GNA12: variants seen among roughly 807,000 people sequenced by gnomAD.
GNA12 encodes the protein G protein subunit alpha 12, also known as guanine nucleotide-binding protein subunit alpha-12.
Under a neutral mutation model 26.0 loss-of-function variants are expected in GNA12, and 9 were observed. The ratio of observed to expected loss-of-function variants is 0.35; its 90% CI spans 0.21 to 0.60. The LOEUF (loss-of-function observed/expected upper bound fraction) is 0.60. Among genes scored for constraint, GNA12 ranks in the 20% least tolerant of loss-of-function variants. The pLI, the probability that GNA12 is intolerant of heterozygous loss-of-function variation, is 0.78. For missense variants in GNA12, 405 were observed against 525.8 expected (o/e 0.77, Z 2.25); for synonymous variants, 264 against 219.6 (o/e 1.20, Z -1.79).
In GNA12 at chr7:2,728,994, C is replaced by T. The variant is rs1186755339; in HGVS notation, c.*2187G>A. On this transcript the variant is annotated 3_prime_UTR_variant, in exon 4 of 4. Coordinates refer to ENST00000275364, the MANE Select transcript of GNA12 (RefSeq NM_007353.3). ...GGACCCCACAATATCTCCTTCCTCT[C>T]ATGCTTCTGGTTTGAAAGTGACGAG... The T allele has an allele frequency of 2.6e-5, 4 of 152,450 alleles. No individual in the cohort carries two copies. The highest frequency in any genetic ancestry group is 9.6e-5 in the African/African-American group (4 of 41,464). The allele number at this position is 152,450 out of a possible 1,614,324, so 9.4% of individuals were successfully genotyped here.
At chr7:2,834,010 C>T (rs369522752) in intron 1 of GNA12, among the ~76,000 whole-genome samples, 16 of 152,286 alleles carry the variant, frequency 1.1e-4, no homozygotes, top group African/African-American at 3.6e-4. Context: ...GTGCATGGGC[C>T]ACTAGTAGGC....
At chr7:2,842,195 A>C (rs1302768087) in intron 1 of GNA12, among the ~76,000 whole-genome samples, 1 of 151,160 alleles carries the variant, frequency 6.6e-6, no homozygotes, top group African/African-American at 2.5e-5. Flanking sequence ...GACGCTATCT[A>C]GGTGTAAGCA....
chr7:2,835,044 A>G (rs1778796119), intron 1 of GNA12, among the ~76,000 whole-genome samples: 2 of 152,228 alleles, frequency 1.3e-5, no homozygotes, highest in Admixed American at 1.3e-4. Flanking sequence ...AGGCTACACT[A>G]ATGCAATCAT....
intron 2 of GNA12, among the ~76,000 whole-genome samples, chr7:2,792,556 A>G (rs1393926945): frequency 6.6e-6 from 1 of 152,234 alleles, no homozygotes; most frequent in Admixed American, 6.5e-5. Context: ...CTCAATTTCC[A>G]TCCAAGTTCT....
At chr7:2,810,102 C>T (rs1444207194) in intron 1 of GNA12, among the ~76,000 whole-genome samples, 1 of 152,174 alleles carries the variant, frequency 6.6e-6, no homozygotes, top group Non-Finnish European at 1.5e-5. Context: ...ATTTCAGGTT[C>T]GCTGCATGTG....
Position 2,797,452 on chromosome 7 carries a change from T to C in GNA12, c.310-2309A>G, listed in dbSNP as rs184378700. ...GAGCCACTGCATCCGGCCTTTTTTT[T>C]TTTTTCCTTTTTAAATAACAGTTTT... On this transcript the variant is annotated intron_variant, in intron 1 of 3. Coordinates refer to ENST00000275364, the MANE Select transcript of GNA12 (RefSeq NM_007353.3). Among the ~76,000 whole-genome samples the C allele has an allele frequency of 5.5e-4, 83 of 152,242 alleles. 1 individual carries two copies. Among genetic ancestry groups the C allele is most frequent in the Non-Finnish European group, 3.4e-4 (23 of 68,010 alleles).
At chr7:2,817,326 G>C (rs964742730) in intron 1 of GNA12, among the ~76,000 whole-genome samples, 3 of 152,104 alleles carry the variant, frequency 2.0e-5, no homozygotes, top group Non-Finnish European at 4.4e-5. Flanking sequence ...GGCTGGTCTC[G>C]AACTCCTGAC....
intron 1 of GNA12, among the ~76,000 whole-genome samples, chr7:2,812,858 G>GC (rs1793120069): frequency 6.6e-6 from 1 of 152,084 alleles, no homozygotes; most frequent in Non-Finnish European, 1.5e-5. Context: ...CAGTTATTTG[G>GC]CCCCTTTTTT....
chr7:2,839,444 C>T (rs1052418724), intron 1 of GNA12, among the ~76,000 whole-genome samples: 9 of 152,140 alleles, frequency 5.9e-5, no homozygotes, highest in African/African-American at 7.2e-5. Flanking sequence ...AGTACAGTGG[C>T]GTGCTCTCTG....
Position 2,730,920 on chromosome 7 carries a change from G to C in GNA12, c.*261C>G. On this transcript the variant is annotated 3_prime_UTR_variant, in exon 4 of 4. Coordinates refer to ENST00000275364, the MANE Select transcript of GNA12 (RefSeq NM_007353.3). ...AAAAGCAAAGCAAGCTGTGTGATTAGGTGTTCCGTATTCACAACATCATCA... is the reference window on the plus strand; with the variant it reads ...AAAAGCAAAGCAAGCTGTGTGATTACGTGTTCCGTATTCACAACATCATCA... 1 of 453,894 alleles carries C rather than the reference G, an allele frequency of 2.2e-6. No individual in the cohort carries two copies. The highest frequency in any genetic ancestry group is 1.9e-5 in the African/African-American group (1 of 51,862). 28.1% of individuals were successfully genotyped at this position (453,894 alleles called of 1,614,324 possible).
At chr7:2,774,839 C>A (rs914546611) in intron 2 of GNA12, among the ~76,000 whole-genome samples, 1 of 152,152 alleles carries the variant, frequency 6.6e-6, no homozygotes, top group African/African-American at 2.4e-5. Flanking sequence ...ACGCAGCTAT[C>A]TGTGTTACTG....
intron 1 of GNA12, among the ~76,000 whole-genome samples, chr7:2,832,547 T>C (rs779077904): frequency 1.3e-5 from 2 of 152,146 alleles, no homozygotes; most frequent in African/African-American, 4.8e-5. Flanking sequence ...GGTCTCAGTG[T>C]TCCTCGGGCT....
chr7:2,769,852 C>G (rs77929668), intron 2 of GNA12, among the ~76,000 whole-genome samples: 31 of 152,144 alleles, frequency 2.0e-4, no homozygotes, highest in Admixed American at 9.8e-4. Flanking sequence ...TCTTTATACC[C>G]TTAACACACT....
At chr7:2,774,906 C>A (rs541101948) in intron 2 of GNA12, among the ~76,000 whole-genome samples, 21 of 152,254 alleles carry the variant, frequency 1.4e-4, no homozygotes, top group African/African-American at 5.1e-4. Flanking sequence ...GCACAGCAGG[C>A]AGTCAAGATA....
At position 2,735,841 on chromosome 7, in the gene GNA12, G is replaced by C. The variant is rs147175665; in HGVS notation, c.526-2340C>G. On this transcript the variant is annotated intron_variant, in intron 2 of 3. Coordinates refer to ENST00000275364, the MANE Select transcript of GNA12 (RefSeq NM_007353.3). The stretch of plus-strand genomic sequence containing the variant: ...GGGGGTCCGTGGGAAAGCTGCCACT[G>C]AACTGTAAGGTGCCAGGGACTGTGC... Among the ~76,000 whole-genome samples, 853 of 152,262 alleles carry C rather than the reference G, an allele frequency of 5.6e-3. 8 individuals carry two copies. Among genetic ancestry groups the C allele is most frequent in the African/African-American group, 0.02 (822 of 41,546 alleles).
In GNA12 at chr7:2,796,023, G is replaced by A. The variant is rs963256193; in HGVS notation, c.310-880C>T. Among the ~76,000 whole-genome samples, 64 of 151,898 alleles carry A rather than the reference G, an allele frequency of 4.2e-4. 1 individual carries two copies. Among genetic ancestry groups the A allele is most frequent in the African/African-American group, 1.5e-3 (63 of 41,374 alleles). On this transcript the variant is annotated intron_variant, in intron 1 of 3. Transcript: ENST00000275364. ...TTAGCTGAGATTACAGACCACCACG[G>A]ACTGCTAATTTTTGTATTTTTAGTA...
Position 2,731,476 on chromosome 7 carries a change from T to C in GNA12, c.851A>G (p.Lys284Arg), listed in dbSNP as rs1789891247. The C allele has an allele frequency of 3.1e-6, 5 of 1,613,844 alleles. No homozygotes were observed. Among genetic ancestry groups the C allele is most frequent in the Non-Finnish European group, 3.4e-6 (4 of 1,179,886 alleles). The change falls in exon 4 of 4, where the codon AAG becomes AGG. Residue 284 changes from lysine to arginine, a missense_variant. Transcript: ENST00000275364. This position sits in a 1 kb window ranked among gnomAD's most constrained non-coding sequence, Gnocchi z 6.0. ...AATGATGGAGACGTTGAAGAAGAGCTTGTTGTTGACGATGGTCTCGAAGAT... is the reference window on the plus strand; with the variant it reads ...AATGATGGAGACGTTGAAGAAGAGCCTGTTGTTGACGATGGTCTCGAAGAT... Reference protein sequence around the residue: ...MNIFETIVNNKLFFNVSIILF... With the variant: ...MNIFETIVNNRLFFNVSIILF...
chr7:2,731,000 T>G lies in GNA12; in HGVS notation c.*181A>C. The G allele has an allele frequency of 1.9e-6, 1 of 533,354 alleles. No individual in the cohort carries two copies. Among genetic ancestry groups the G allele is most frequent in the South Asian group, 3.0e-5 (1 of 33,234 alleles). 33.0% of individuals were successfully genotyped at this position (533,354 alleles called of 1,614,324 possible). A position where few individuals can be genotyped will look rare whatever the true frequency, so the allele number is the denominator to read the frequency against. On this transcript the variant is annotated 3_prime_UTR_variant, in exon 4 of 4. Transcript: ENST00000275364. The stretch of plus-strand genomic sequence containing the variant: ...CAGGATTCAGTAGCTAACGTGACAG[T>G]TTCCATGTCCTTTTGCCTAGAGCTC...
At chr7:2,742,083 G>A (rs759712984) in intron 2 of GNA12, among the ~76,000 whole-genome samples, 1 of 151,746 alleles carries the variant, frequency 6.6e-6, no homozygotes, top group Admixed American at 6.6e-5. Flanking sequence ...GTGCAGTGGG[G>A]CGATCTCAGC....
Sources: gnomAD v4.1 joint callset for allele counts (sites outside exome capture counted in the v4.1 genomes callset) on GRCh38, gnomAD v4.1.1 for gene constraint, Gnocchi (gnomAD v3.1) non-coding constraint, MANE v1.5 for transcripts, NCBI Gene and HGNC (gene_info 2026-07-23, HGNC 2026-07-21) for gene names.